BRWD1: variants seen among roughly 807,000 people sequenced by gnomAD.
BRWD1 encodes the protein bromodomain and WD repeat-containing protein 1.
Under a neutral mutation model 251.2 loss-of-function variants are expected in BRWD1, and 82 were observed. The ratio of observed to expected loss-of-function variants is 0.33; its 90% CI spans 0.27 to 0.39. The LOEUF is 0.39. Ranked by LOEUF, BRWD1 falls within the 10% of genes least tolerant of loss-of-function variation. BRWD1 has a pLI of 1.00. For missense variants in BRWD1, 2,233 were observed against 2,711.6 expected (o/e 0.82, Z 3.92); for synonymous variants, 918 against 902.8 (o/e 1.02, Z -0.30).
intron 33 of BRWD1, 75 bp from the exon 34 acceptor site, chr21:39,212,782 A>G (rs1280536073): frequency 5.6e-6 from 6 of 1,073,904 alleles, no homozygotes; most frequent in Admixed American, 2.3e-5. Flanking sequence ...AATAAATAAC[A>G]TATCAAAGAC....
At chr21:39,228,834 G>A (rs138329115) in intron 26 of BRWD1, among the ~76,000 whole-genome samples, 2 of 152,176 alleles carry the variant, frequency 1.3e-5, no homozygotes, top group African/African-American at 2.4e-5. Flanking sequence ...AAAATGCAGT[G>A]TGTACATTCA....
At chr21:39,240,536 CT>C (rs998281082) in intron 21 of BRWD1, among the ~76,000 whole-genome samples, 2 of 152,158 alleles carry the variant, frequency 1.3e-5, no homozygotes, top group Non-Finnish European at 2.9e-5. Context: ...CCAAATGACA[CT>C]TCTAGCAGTA....
chr21:39,221,375 AAAAC>A (rs2033170865), intron 29 of BRWD1, among the ~76,000 whole-genome samples: 1 of 152,218 alleles, frequency 6.6e-6, no homozygotes, highest in Non-Finnish European at 1.5e-5. Context: ...AATATTTCAT[AAAAC>A]AAAGCAATAA....
At chr21:39,203,109 A>T (rs2032192326) in intron 37 of BRWD1, among the ~76,000 whole-genome samples, 1 of 152,236 alleles carries the variant, frequency 6.6e-6, no homozygotes, top group African/African-American at 2.4e-5. Context: ...ATGGAAGTTT[A>T]AGGCATGTGA....
chr21:39,270,174 T>A, intron 14 of BRWD1, 109 bp downstream of exon 14: 1 of 1,217,882 alleles, frequency 8.2e-7, no homozygotes, highest in Non-Finnish European at 1.1e-6. Flanking sequence ...AATCATTTCA[T>A]AGTTTACATG....
intron 36 of BRWD1, among the ~76,000 whole-genome samples, chr21:39,207,494 C>T (rs2146486207): frequency 1.5e-5 from 1 of 66,354 alleles, no homozygotes; most frequent in East Asian, 3.2e-4. Context: ...AAACAAAACT[C>T]CAAAAACAAC....
chr21:39,296,654 G>A, intron 5 of BRWD1: 2 of 908,030 alleles, frequency 2.2e-6, no homozygotes, highest in African/African-American at 1.8e-5. Context: ...CTGTGAGGTA[G>A]GTATTTTTGC....
intron 21 of BRWD1, among the ~76,000 whole-genome samples, chr21:39,244,141 G>C (rs144471660): frequency 5.9e-5 from 9 of 151,780 alleles, no homozygotes; most frequent in Non-Finnish European, 8.8e-5. Flanking sequence ...TCGGCTCACT[G>C]CAAGTTCTGC....
At chr21:39,280,080 T>C (rs1411612609) in intron 9 of BRWD1, 68 bp downstream of exon 9, 4 of 1,176,124 alleles carry the variant, frequency 3.4e-6, no homozygotes, top group Non-Finnish European at 4.8e-6. Flanking sequence ...CAATAAAACT[T>C]CATTTCATTA....
chr21:39,320,335 T>C (rs1235245759), intron 1 of BRWD1, among the ~76,000 whole-genome samples: 3 of 152,116 alleles, frequency 2.0e-5, no homozygotes, highest in African/African-American at 4.8e-5. Flanking sequence ...GAGTTGGGCT[T>C]CCCTTTTTTT....
chr21:39,198,318 A>G (rs1254310575), intron 40 of BRWD1, among the ~76,000 whole-genome samples: 1 of 152,174 alleles, frequency 6.6e-6, no homozygotes, highest in Non-Finnish European at 1.5e-5. Flanking sequence ...ATTTAGAAAA[A>G]CTTCCTAATA....
rs2035215595 is a variant in BRWD1, at chr21:39,274,409, C to T, written c.1209G>A (p.Arg403=). 1.2e-6 allele frequency: 2 copies of T among 1,613,862 alleles called. No individual in the cohort carries two copies. The highest frequency in any genetic ancestry group is 1.7e-6 in the Non-Finnish European group (2 of 1,179,944). ...TGGTAGCCATATCCAATAAAATGCT[C>T]CTCCATTCTAACTGCTCAAATCTCC... ...RIWRFEQLEW[R]SILLDMATRI... Residue 403 remains arginine (R), a synonymous_variant, in exon 13 of 41, where the codon AGG becomes AGA. Transcript: ENST00000342449.
upstream of BRWD1, chr21:39,315,610 G>A (rs1217505975): frequency 1.3e-5 from 2 of 151,580 alleles, no homozygotes; most frequent in African/African-American, 4.8e-5. Flanking sequence ...CTCCAGCCTG[G>A]GCGACAAGGC....
At position 39,187,807 on chromosome 21, in the gene BRWD1, T is replaced by TA. The variant is rs751158371; in HGVS notation, c.*8451dup. 1.0e-6 allele frequency: 1 copy of TA among 985,352 alleles called. No individual in the cohort carries two copies. The highest frequency in any genetic ancestry group is 1.2e-6 in the Non-Finnish European group (1 of 829,884). The allele number at this position is 985,352 out of a possible 1,614,324, so 61.0% of individuals were successfully genotyped here. On this transcript the variant is annotated 3_prime_UTR_variant, in exon 41 of 41. Coordinates refer to ENST00000342449, the MANE Select transcript of BRWD1 (RefSeq NM_033656.4). ...ACACACGAGATTCAGATTAAAATTC[T>TA]AAAAAATAACACAGAGTTGCTTTAA... is the stretch of plus-strand genomic sequence containing the variant.
At chr21:39,244,465 T>C (rs2146591115) in intron 21 of BRWD1, among the ~76,000 whole-genome samples, 1 of 152,310 alleles carries the variant, frequency 6.6e-6, no homozygotes, top group East Asian at 1.9e-4. Context: ...GTGCCTGAAT[T>C]CCTACTTGTT....
At chr21:39,236,461 AG>A in intron 23 of BRWD1, 133 bp downstream of exon 23, 2 of 793,200 alleles carry the variant, frequency 2.5e-6, no homozygotes, top group Non-Finnish European at 3.9e-6. Flanking sequence ...CGCCCAGACC[AG>A]CCCCAGAGCA....
chr21:39,206,028 C>A, intron 37 of BRWD1, 80 bp downstream of exon 37: 1 of 1,380,366 alleles, frequency 7.2e-7, no homozygotes, highest in Non-Finnish European at 9.8e-7. Flanking sequence ...CATGCCACTG[C>A]ACTCCAGCCT....
Position 39,194,625 on chromosome 21 carries a change from T to C in BRWD1, c.*1634A>G. On this transcript the variant is annotated 3_prime_UTR_variant, in exon 41 of 41. Transcript: ENST00000342449. ...ATCAGAGTAGAAAGAAAATGTACCTTCTACTATGTCAAATGGAATAGATAA... is the reference window on the plus strand; with the variant it reads ...ATCAGAGTAGAAAGAAAATGTACCTCCTACTATGTCAAATGGAATAGATAA... The C allele has an allele frequency of 6.6e-7, 1 of 1,526,082 alleles. No individual in the cohort carries two copies. The highest frequency in any genetic ancestry group is 1.2e-5 in the South Asian group (1 of 82,680). 94.5% of individuals were successfully genotyped at this position (1,526,082 alleles called of 1,614,324 possible).
At position 39,313,085 on chromosome 21, in the gene BRWD1, A is replaced by G; in HGVS notation, c.125T>C (p.Leu42Pro). The G allele has an allele frequency of 6.7e-7, 1 of 1,488,778 alleles. No homozygotes were observed. Among genetic ancestry groups the G allele is most frequent in the Non-Finnish European group, 8.9e-7 (1 of 1,121,844 alleles). The allele number at this position is 1,488,778 out of a possible 1,614,324, so 92.2% of individuals were successfully genotyped here. Reference protein sequence around the residue: ...RRAAQVLVQELEQYQLLPKRL... With the variant: ...RRAAQVLVQEPEQYQLLPKRL... Reference sequence around the variant, plus strand: ...GCGCGCACAGACCTGGTACTGCTCCAGCTCCTGCACCAGCACCTGCGGCCG... The same window carrying G: ...GCGCGCACAGACCTGGTACTGCTCCGGCTCCTGCACCAGCACCTGCGGCCG... The change falls in exon 3 of 41, where the codon CTG (leucine) becomes CCG (proline). Residue 42 changes from leucine to proline, a missense_variant. Physicochemically the swap from Leu to Pro is moderately conservative, Grantham distance 98. This residue lies in a region of BRWD1 where 101 missense variants were observed against 95.6 expected (regional missense o/e 1.06). Transcript: ENST00000342449.
Sources: gnomAD v4.1 joint callset for allele counts (sites outside exome capture counted in the v4.1 genomes callset) on GRCh38, gnomAD v4.1.1 for gene constraint, gnomAD v4.1.1 regional missense constraint, MANE v1.5 for transcripts, NCBI Gene and HGNC (gene_info 2026-07-23, HGNC 2026-07-21) for gene names.